Variants in ADAM22 observed in about 807,000 individuals in gnomAD.
ADAM22 encodes the protein ADAM metallopeptidase domain 22, also known as disintegrin and metalloproteinase domain-containing protein 22.
ADAM22 carries 65 observed loss-of-function variants against 144.6 expected under a neutral mutation model. The ratio of observed to expected loss-of-function variants is 0.45; its 90% CI spans 0.37 to 0.55. The LOEUF (loss-of-function observed/expected upper bound fraction) is 0.55, where lower values mean the gene tolerates loss of function less well. Among genes scored for constraint, ADAM22 ranks in the 20% least tolerant of loss-of-function variants. The probability of loss-of-function intolerance (pLI) is 0.00; values close to 1 mark genes in which losing one functional copy is unlikely to be tolerated. For missense variants in ADAM22, 974 were observed against 1,184.9 expected (o/e 0.82, Z 2.61); for synonymous variants, 391 against 412.6 (o/e 0.95, Z 0.63).
chr7:88,190,231 A>G (rs2129540363), intron 30 of ADAM22, among the ~76,000 whole-genome samples: 1 of 152,270 alleles, frequency 6.6e-6, no homozygotes, highest in East Asian at 1.9e-4. Context: ...TGGTAATTAT[A>G]GTTTTTAAAA....
At chr7:88,176,305 T>C (rs1845652265) in intron 26 of ADAM22, among the ~76,000 whole-genome samples, 1 of 152,216 alleles carries the variant, frequency 6.6e-6, no homozygotes, top group Admixed American at 6.5e-5. Flanking sequence ...TGAAGAAAGT[T>C]ACATGCATTC....
intron 3 of ADAM22, among the ~76,000 whole-genome samples, chr7:88,008,131 C>CA (rs902457421): frequency 1.3e-5 from 2 of 151,622 alleles, no homozygotes; most frequent in Admixed American, 1.3e-4. Flanking sequence ...TTTATGCAGC[C>CA]AAAAAACACA....
Position 88,024,322 on chromosome 7 carries a change from G to A in ADAM22, c.323+45910G>A, listed in dbSNP as rs1368453744. Among the ~76,000 whole-genome samples, 3 of 152,212 alleles carry A rather than the reference G, an allele frequency of 2.0e-5. No homozygotes were observed. In the East Asian group the frequency reaches 5.8e-4, roughly 29 times the overall value. On this transcript the variant is annotated intron_variant, in intron 3 of 31. Transcript: ENST00000413139. ...TTCCCACCAACATTGTATGCAGGTT[G>A]CCTTTTCTCTACATCCTCACCAGCA...
At chr7:88,133,419 A>G (rs1028933410) in intron 12 of ADAM22, among the ~76,000 whole-genome samples, 17 of 151,554 alleles carry the variant, frequency 1.1e-4, no homozygotes, top group South Asian at 2.1e-4. Context: ...AATATAAAAA[A>G]CTAATATGGT....
At chr7:88,128,510 T>A in intron 8 of ADAM22, 92 bp from the exon 9 acceptor site, 1 of 1,029,170 alleles carries the variant, frequency 9.7e-7, no homozygotes, top group Non-Finnish European at 1.5e-6. Flanking sequence ...AAAGGGAAAA[T>A]TTTGTTTTGT....
chr7:88,032,981 A>T (rs2129469739), intron 3 of ADAM22, among the ~76,000 whole-genome samples: 1 of 152,270 alleles, frequency 6.6e-6, no homozygotes, highest in East Asian at 1.9e-4. Context: ...AGCCGATCCA[A>T]CCTCTTTTCT....
At chr7:88,019,849 C>CAA (rs1797349539) in intron 3 of ADAM22, among the ~76,000 whole-genome samples, 2 of 142,884 alleles carry the variant, frequency 1.4e-5, no homozygotes, top group Admixed American at 1.4e-4. Context: ...GACTCTATCT[C>CAA]AAAAAATATG....
At chr7:88,176,024 G>GC (rs1845565397) in intron 26 of ADAM22, among the ~76,000 whole-genome samples, 2 of 152,142 alleles carry the variant, frequency 1.3e-5, no homozygotes, top group Non-Finnish European at 2.9e-5. Context: ...CCAAGCTGGA[G>GC]TGCAGTGGCG....
At chr7:88,097,286 G>T (rs1821633975) in intron 4 of ADAM22, among the ~76,000 whole-genome samples, 1 of 151,366 alleles carries the variant, frequency 6.6e-6, no homozygotes, top group Non-Finnish European at 1.5e-5. Flanking sequence ...CCAGTAGCTG[G>T]AATTACAGGT....
chr7:87,961,961 C>G (rs1562863464), intron 2 of ADAM22, among the ~76,000 whole-genome samples: 7 of 152,162 alleles, frequency 4.6e-5, no homozygotes, highest in South Asian at 4.1e-4. Context: ...TATAACTCAT[C>G]GAGGTTCCCT....
chr7:88,030,834 C>T (rs1005065455), intron 3 of ADAM22, among the ~76,000 whole-genome samples: 4 of 152,088 alleles, frequency 2.6e-5, no homozygotes, highest in South Asian at 2.1e-4. Context: ...CTTCTTCTCT[C>T]GGCCGGGCAC....
chr7:87,997,204 C>T (rs1053360200), intron 3 of ADAM22, among the ~76,000 whole-genome samples: 1 of 152,132 alleles, frequency 6.6e-6, no homozygotes, highest in Non-Finnish European at 1.5e-5. Context: ...ACCTACTGAC[C>T]ATATTTAAAA....
At chr7:87,956,232 G>A (rs971267772) in intron 2 of ADAM22, among the ~76,000 whole-genome samples, 1 of 152,144 alleles carries the variant, frequency 6.6e-6, no homozygotes, top group East Asian at 1.9e-4. Flanking sequence ...CTCACGCTGG[G>A]AGCTGTAGAC....
chr7:88,162,994 C>G lies in ADAM22; in HGVS notation c.1908-18C>G, dbSNP rs1199406097. On this transcript the variant is annotated intron_variant, in intron 22 of 31. Coordinates refer to ENST00000413139, the MANE Select transcript of ADAM22 (RefSeq NM_001324418.2). ...GGTGAATTAATAGATTCATTTTTTG[C>G]TCTCAATTTGTTTTTAGTGGTGGGC... The G allele has an allele frequency of 3.8e-6, 6 of 1,592,712 alleles. No individual in the cohort carries two copies. Among genetic ancestry groups the G allele is most frequent in the African/African-American group, 1.4e-5 (1 of 73,188 alleles).
intron 3 of ADAM22, among the ~76,000 whole-genome samples, chr7:88,073,150 G>A (rs574431401): frequency 2.9e-4 from 44 of 152,312 alleles, no homozygotes; most frequent in African/African-American, 1.0e-3. Flanking sequence ...AAAGACAAAT[G>A]TTCTTGTCAA....
intron 3 of ADAM22, among the ~76,000 whole-genome samples, chr7:88,039,101 G>GTCTT (rs1230051155): frequency 3.8e-4 from 58 of 151,978 alleles, no homozygotes; most frequent in Non-Finnish European, 1.3e-4. Flanking sequence ...GATCTGCAAA[G>GTCTT]GATGGTAGTC....
intron 27 of ADAM22, among the ~76,000 whole-genome samples, chr7:88,179,379 A>T (rs1443818593): frequency 6.6e-6 from 1 of 152,070 alleles, no homozygotes; most frequent in Non-Finnish European, 1.5e-5. Flanking sequence ...GCTTTATGTC[A>T]TGTTTGGTAG....
At chr7:87,962,556 CT>C (rs1030971694) in intron 2 of ADAM22, among the ~76,000 whole-genome samples, 2 of 151,734 alleles carry the variant, frequency 1.3e-5, no homozygotes, top group Non-Finnish European at 2.9e-5. Context: ...ACTGCTTACA[CT>C]TTTTTTTAAT....
intron 13 of ADAM22, 52 bp downstream of exon 13, chr7:88,134,471 A>G (rs1282316320): frequency 2.1e-6 from 3 of 1,402,472 alleles, no homozygotes; most frequent in Non-Finnish European, 2.9e-6. Context: ...ACTATTTGTG[A>G]AATATTTTGG....
Sources: allele counts gnomAD v4.1 joint callset (sites outside exome capture counted in the v4.1 genomes callset), GRCh38; gene constraint gnomAD v4.1.1; transcripts MANE v1.5; gene names NCBI Gene and HGNC (gene_info 2026-07-23, HGNC 2026-07-21).